POLRMT: variants seen among roughly 807,000 people sequenced by gnomAD.
POLRMT encodes RNA polymerase mitochondrial.
In POLRMT, 114 loss-of-function variants were observed where a neutral mutation model predicts 132.2. The observed-to-expected ratio is 0.86, with a 90% CI of 0.74 to 1.01. POLRMT has a LOEUF of 1.01. POLRMT is among the 50% of genes least tolerant of loss of function. The probability of loss-of-function intolerance (pLI) is 0.00; values close to 1 mark genes in which losing one functional copy is unlikely to be tolerated. For missense variants in POLRMT, 2,003 were observed against 1,729.1 expected (o/e 1.16, Z -2.81); for synonymous variants, 1,020 against 773.4 (o/e 1.32, Z -5.29).
intron 10 of POLRMT, 138 bp from the exon 11 acceptor site, chr19:620,625 A>C: frequency 8.8e-7 from 1 of 1,141,306 alleles, no homozygotes; most frequent in Non-Finnish European, 1.2e-6. Context: ...TGTGGGCGAG[A>C]GACGGGGCGG....
At chr19:624,371 G>A (rs755852353) in intron 5 of POLRMT, among the ~76,000 whole-genome samples, 4 of 152,186 alleles carry the variant, frequency 2.6e-5, no homozygotes, top group African/African-American at 7.2e-5. Flanking sequence ...CACTAAAATC[G>A]CTGAATTACA....
chr19:620,252 T>C, intron 11 of POLRMT, 113 bp downstream of exon 11: 4 of 1,457,524 alleles, frequency 2.7e-6, no homozygotes, highest in Middle Eastern at 1.9e-4. Context: ...CCGCACACTC[T>C]AGGACCACCT....
Position 620,362 on chromosome 19 carries a change from C to T in POLRMT, c.2763+3G>A, listed in dbSNP as rs770403897. On this transcript the variant is annotated splice_donor_region_variant and intron_variant, in intron 11 of 20. Transcript: ENST00000588649. The stretch of plus-strand genomic sequence containing the variant: ...CCTCGGGGGCCAGACCCAGCTGGCT[C>T]ACCTGATGGACGGGGAGGTGGGAGA... The T allele has an allele frequency of 2.0e-5, 31 of 1,571,400 alleles. 1 individual carries two copies. In the South Asian group the frequency reaches 3.6e-4, roughly 18 times the overall value.
intron 15 of POLRMT, 85 bp downstream of exon 15, chr19:618,912 G>A (rs1331946341): frequency 9.6e-6 from 13 of 1,352,978 alleles, no homozygotes; most frequent in African/African-American, 8.7e-5. Context: ...ACACTGGGGT[G>A]GTGGTACGCT....
chr19:630,065 AC>A lies in POLRMT; in HGVS notation c.296del (p.Gly99ValfsTer42). 6.2e-7 allele frequency: 1 copy of A among 1,613,722 alleles called. No homozygotes were observed. The highest frequency in any genetic ancestry group is 1.1e-5 in the South Asian group (1 of 91,076). ...ARLPECGSGD[G>X]SLQPPRKVQM... ...GGACCTTCCTGGGTGGCTGGAGGCT[AC>A]CATCTCCACTGCCACATTCTGGGAG... On this transcript the variant is annotated frameshift_variant, in exon 3 of 21. Transcript: ENST00000588649. LOFTEE classifies it high-confidence loss of function.
intron 18 of POLRMT, 36 bp from the exon 19 acceptor site, chr19:617,691 G>T: frequency 6.2e-7 from 1 of 1,611,694 alleles, no homozygotes; most frequent in Non-Finnish European, 8.5e-7. Context: ...GGGGTGATCA[G>T]GCAGGCTCTG....
chr19:619,152 G>A (rs2144581031), intron 14 of POLRMT, 42 bp from the exon 15 acceptor site: 1 of 1,610,502 alleles, frequency 6.2e-7, no homozygotes. Context: ...GCTCAGGCCG[G>A]GGATCCCGTC....
Position 619,946 on chromosome 19 carries a change from G to A in POLRMT, c.2886+12C>T, listed in dbSNP as rs1280122716. Reference sequence around the variant, plus strand: ...ACGCCGAGATGCCCCCGGGCAGCAGGGCACACCCTACCTGCGCGGCCACGC... The same window carrying A: ...ACGCCGAGATGCCCCCGGGCAGCAGAGCACACCCTACCTGCGCGGCCACGC... On this transcript the variant is annotated intron_variant, in intron 12 of 20. Transcript: ENST00000588649. The A allele has an allele frequency of 2.5e-6, 4 of 1,601,768 alleles. No homozygotes were observed. The highest frequency in any genetic ancestry group is 1.3e-5 in the African/African-American group (1 of 74,840).
Position 618,542 on chromosome 19 carries a change from A to C in POLRMT, c.3368T>G (p.Phe1123Cys). The stretch of plus-strand genomic sequence containing the variant: ...GTGGGAGGAGTCCAGCGAGTGGATG[A>C]AGTTGGGCGGGAAGCCGTTCTTCTG... Reference protein sequence around the residue: ...RKQKNGFPPNFIHSLDSSHMM... With the variant: ...RKQKNGFPPNCIHSLDSSHMM... Residue 1123 changes from phenylalanine to cysteine, a missense_variant, in exon 17 of 21, where the codon TTC (phenylalanine) becomes TGC (cysteine). By Grantham distance (205) the Phe-to-Cys change is radical. Coordinates refer to ENST00000588649, the MANE Select transcript of POLRMT (RefSeq NM_005035.4). 6.2e-7 allele frequency: 1 copy of C among 1,613,338 alleles called. No homozygotes were observed. The highest frequency in any genetic ancestry group is 8.5e-7 in the Non-Finnish European group (1 of 1,179,578).
At chr19:620,806 C>T (rs1434860462) in intron 10 of POLRMT, among the ~76,000 whole-genome samples, 1 of 76,020 alleles carries the variant, frequency 1.3e-5, no homozygotes, top group South Asian at 5.1e-4. Context: ...GTGGGGAACG[C>T]GGGGGCCCTG....
chr19:628,719 CTT>C (rs956508134), intron 3 of POLRMT, among the ~76,000 whole-genome samples: 3 of 152,104 alleles, frequency 2.0e-5, no homozygotes, highest in Non-Finnish European at 4.4e-5. Flanking sequence ...CGAGGAGAAA[CTT>C]TGGCCGGATA....
chr19:631,028 A>G (rs11085148), intron 2 of POLRMT, among the ~76,000 whole-genome samples: 85,556 of 151,562 alleles, frequency 0.56, 25,224 homozygotes, highest in South Asian at 0.76. Flanking sequence ...GCGTGGTGGC[A>G]TGTGTCTATA....
Position 620,048 on chromosome 19 carries a change from AG to A in POLRMT, c.2795del (p.Ala932ValfsTer59). 1 of 1,552,814 alleles carries A rather than the reference AG, an allele frequency of 6.4e-7. No individual in the cohort carries two copies. The highest frequency in any genetic ancestry group is 8.7e-7 in the Non-Finnish European group (1 of 1,153,860). On this transcript the variant is annotated frameshift_variant, in exon 12 of 21. Transcript: ENST00000588649. LOFTEE classifies it high-confidence loss of function. Reference sequence around the variant, plus strand: ...CGCCCACGCTGTCGCGGCCCAGAGCAGCATAATGCTGCAGGCCGTTGCAAGA... The same window carrying A: ...CGCCCACGCTGTCGCGGCCCAGAGCACATAATGCTGCAGGCCGTTGCAAGA... ...DGSCNGLQHYAALGRDSVGAA... is the reference protein window; with the variant it reads ...DGSCNGLQHYXALGRDSVGAA...
intron 12 of POLRMT, 42 bp from the exon 13 acceptor site, chr19:619,807 G>A (rs757701847): frequency 1.4e-5 from 22 of 1,549,644 alleles, no homozygotes; most frequent in Non-Finnish European, 1.9e-5. Flanking sequence ...AGCCCCGCTA[G>A]CAGCCCAGGG....
intron 17 of POLRMT, 41 bp downstream of exon 17, chr19:618,447 C>A: frequency 6.7e-7 from 1 of 1,488,262 alleles, no homozygotes; most frequent in Non-Finnish European, 9.2e-7. Context: ...GAAGACGCCC[C>A]TGGGAGGCGA....
chr19:621,479 TG>T lies in POLRMT; in HGVS notation c.2218del (p.Gln740SerfsTer112). 1 of 1,363,702 alleles carries T rather than the reference TG, an allele frequency of 7.3e-7. No individual in the cohort carries two copies. The highest frequency in any genetic ancestry group is 1.7e-5 in the South Asian group (1 of 58,632). 84.5% of individuals were successfully genotyped at this position (1,363,702 alleles called of 1,614,324 possible). On this transcript the variant is annotated frameshift_variant, in exon 10 of 21. Transcript: ENST00000588649. LOFTEE classifies it high-confidence loss of function. ...GVPAPPSEAP[Q>X]PPEAHLPHSA... ...GTGCGGCAGGTGGGCCTCGGGCGGC[TG>T]GGGCGCCTCGGAGGGCGGGGCCGGC...
In POLRMT at chr19:622,160, T is replaced by C; in HGVS notation, c.1840A>G (p.Asn614Asp). ...PVLYHVYSFR[N>D]VQQIGILKPH... is the part of the protein sequence containing the mutation. ...GCACTGCCTGGCACCTGCTGGACGT[T>C]GCGGAAGGAATACACGTGGTAGAGC... Residue 614 changes from asparagine to aspartate, a missense_variant, in exon 9 of 21, where the codon AAC becomes GAC. By Grantham distance (23) the Asn-to-Asp change is conservative. Coordinates refer to ENST00000588649, the MANE Select transcript of POLRMT (RefSeq NM_005035.4). 6.4e-7 allele frequency: 1 copy of C among 1,558,892 alleles called. No individual in the cohort carries two copies. The highest frequency in any genetic ancestry group is 2.4e-5 in the East Asian group (1 of 41,826).
chr19:632,383 G>A (rs923520626), intron 2 of POLRMT, among the ~76,000 whole-genome samples: 1 of 152,210 alleles, frequency 6.6e-6, no homozygotes, highest in African/African-American at 2.4e-5. Flanking sequence ...GCCAGGACGA[G>A]GGCCTGCCAC....
chr19:631,254 G>A lies in POLRMT; in HGVS notation c.194-1086C>T, dbSNP rs183986024. Among the ~76,000 whole-genome samples the A allele has an allele frequency of 4.4e-3, 672 of 151,552 alleles. 4 individuals are homozygous for A. Among genetic ancestry groups the A allele is most frequent in the Middle Eastern group, 0.02 (6 of 294 alleles). ...GAGGTGAAAGAATCACCTAAGCCTA[G>A]GAGTTCCTGGCTGCTGTGAGCCGTG... On this transcript the variant is annotated intron_variant, in intron 2 of 20. Transcript: ENST00000588649.
Sources: gnomAD v4.1 joint callset for allele counts (sites outside exome capture counted in the v4.1 genomes callset) on GRCh38, gnomAD v4.1.1 for gene constraint, MANE v1.5 for transcripts, NCBI Gene and HGNC (gene_info 2026-07-23, HGNC 2026-07-21) for gene names.